CUBN: variants seen among roughly 807,000 people sequenced by gnomAD.
CUBN encodes the protein cubilin.
A neutral mutation model predicts 405.3 loss-of-function variants in CUBN; 282 were observed. The ratio of observed to expected loss-of-function variants is 0.70; its 90% CI spans 0.63 to 0.77. The LOEUF (loss-of-function observed/expected upper bound fraction) is 0.77, where lower values mean the gene tolerates loss of function less well. CUBN is among the 30% of genes least tolerant of loss of function. CUBN has a pLI of 0.00. For missense variants in CUBN, 4,514 were observed against 4,475.2 expected (o/e 1.01, Z -0.25); for synonymous variants, 1,684 against 1,617.0 (o/e 1.04, Z -0.99).
intron 45 of CUBN, 29 bp from the exon 46 acceptor site, chr10:16,916,059 T>C (rs1306149065): frequency 6.3e-7 from 1 of 1,596,582 alleles, no homozygotes. Flanking sequence ...AATAAATAAA[T>C]AAGAAAGCAA....
chr10:16,852,075 T>TC (rs1212640035), intron 59 of CUBN, among the ~76,000 whole-genome samples: 2 of 32,384 alleles, frequency 6.2e-5, no homozygotes, highest in African/African-American at 1.2e-4. Flanking sequence ...CCTCCCTCCA[T>TC]CATCTTTCCC....
At chr10:16,911,449 T>C (rs1841731670) in intron 48 of CUBN, among the ~76,000 whole-genome samples, 1 of 152,068 alleles carries the variant, frequency 6.6e-6, no homozygotes, top group Admixed American at 6.5e-5. Context: ...GGATAGATAA[T>C]GTCCAAAAAA....
intron 54 of CUBN, 67 bp downstream of exon 54, chr10:16,898,929 T>C: frequency 8.4e-7 from 1 of 1,193,738 alleles, no homozygotes; most frequent in Middle Eastern, 1.9e-4. Context: ...CAATGAATCA[T>C]TTCTAGCTTA....
Position 16,824,374 on chromosome 10 carries a change from T to C in CUBN, c.*601A>G, listed in dbSNP as rs780635. The C allele has an allele frequency of 0.34, 52,701 of 153,896 alleles. 9,776 individuals are homozygous for C. Among genetic ancestry groups the C allele is most frequent in the East Asian group, 0.75 (3,913 of 5,206 alleles). 9.5% of individuals were successfully genotyped at this position (153,896 alleles called of 1,614,324 possible). A position where few individuals can be genotyped will look rare whatever the true frequency, so the allele number is the denominator to read the frequency against. On this transcript the variant is annotated 3_prime_UTR_variant, in exon 67 of 67. Coordinates refer to ENST00000377833, the MANE Select transcript of CUBN (RefSeq NM_001081.4). ...GGCTATTATTATTAACTTTTAAAAA[T>C]GTATGTCACATATGCCATAATCATT... is the stretch of plus-strand genomic sequence containing the variant.
intron 21 of CUBN, among the ~76,000 whole-genome samples, chr10:17,066,240 G>T (rs561764948): frequency 6.6e-6 from 1 of 152,138 alleles, no homozygotes; most frequent in South Asian, 2.1e-4. Flanking sequence ...CCATGTTTCT[G>T]CTGAACAAAA....
At chr10:17,031,796 G>T (rs1235861284) in intron 27 of CUBN, among the ~76,000 whole-genome samples, 5 of 152,204 alleles carry the variant, frequency 3.3e-5, no homozygotes, top group Admixed American at 2.6e-4. Context: ...AAGCAATTTG[G>T]AAATTGAAGA....
intron 27 of CUBN, among the ~76,000 whole-genome samples, chr10:17,021,226 T>C (rs989507014): frequency 1.3e-5 from 2 of 152,344 alleles, no homozygotes; most frequent in Middle Eastern, 3.4e-3. Flanking sequence ...CAAGGAGAAA[T>C]GGAGGGTGCA....
chr10:17,102,098 T>C (rs961164770), intron 13 of CUBN, among the ~76,000 whole-genome samples: 1 of 152,114 alleles, frequency 6.6e-6, no homozygotes, highest in African/African-American at 2.4e-5. Flanking sequence ...TCAACCAGTG[T>C]AGAGAATCAT....
chr10:16,851,603 T>C (rs904479798), intron 59 of CUBN, among the ~76,000 whole-genome samples, 160 bp from the exon 60 acceptor site: 1 of 150,914 alleles, frequency 6.6e-6, no homozygotes, highest in South Asian at 2.1e-4. Context: ...TCCCTCCCTC[T>C]TTTCTTTTCT....
At position 16,899,141 on chromosome 10, in the gene CUBN, G is replaced by T; in HGVS notation, c.8453C>A (p.Ser2818Tyr). 6.2e-7 allele frequency: 1 copy of T among 1,613,936 alleles called. No individual in the cohort carries two copies. The change falls in exon 54 of 67, where the codon TCC becomes TAC. Residue 2818 changes from serine to tyrosine, a missense_variant. Ser to Tyr is a moderately radical substitution (Grantham distance 144, BLOSUM62 -2). This residue lies in a region of CUBN where 1,186 missense variants were observed against 1,186.9 expected (regional missense o/e 1.00). Transcript: ENST00000377833. ...GGGAAAATTCTGAGGCCAGTGAGGG[G>T]ATCTGATTGTACCATTATCAGAATG... is the stretch of plus-strand genomic sequence containing the variant. Reference protein sequence around the residue: ...IFHSDNGTIRSPHWPQNFPEN... With the variant: ...IFHSDNGTIRYPHWPQNFPEN...
At chr10:17,127,806 T>C in intron 3 of CUBN, 23 bp downstream of exon 3, 2 of 1,562,204 alleles carry the variant, frequency 1.3e-6, no homozygotes, top group Non-Finnish European at 1.8e-6. Context: ...CATCGGTTCT[T>C]ATGACGTAGA....
At chr10:17,051,838 A>G (rs1297400508) in intron 22 of CUBN, among the ~76,000 whole-genome samples, 1 of 152,106 alleles carries the variant, frequency 6.6e-6, no homozygotes, top group Non-Finnish European at 1.5e-5. Context: ...ACATACAATT[A>G]GAGAACCAGA....
intron 10 of CUBN, among the ~76,000 whole-genome samples, chr10:17,106,682 C>T (rs540027875): frequency 1.8e-4 from 27 of 151,998 alleles, no homozygotes; most frequent in African/African-American, 4.6e-4. Context: ...CAGCCTGTCC[C>T]GGCCAAGGAC....
chr10:16,901,815 T>G (rs1320571952), intron 51 of CUBN, among the ~76,000 whole-genome samples: 1 of 148,548 alleles, frequency 6.7e-6, no homozygotes, highest in Non-Finnish European at 1.5e-5. Context: ...GTCATGCCAT[T>G]GCACTCCAGT....
Position 16,869,794 on chromosome 10 carries a change from T to C in CUBN, c.9296A>G (p.Tyr3099Cys). Reference sequence around the variant, plus strand: ...GGGATCGCTGGTATTGGCACCATCGTAAATTGCCAGGTAGTCATGGGAGCA... The same window carrying C: ...GGGATCGCTGGTATTGGCACCATCGCAAATTGCCAGGTAGTCATGGGAGCA... ...TSCSHDYLAI[Y>C]DGANTSDPLL... is the part of the protein sequence containing the mutation. Residue 3099 changes from tyrosine to cysteine, a missense_variant, in exon 59 of 67, where the codon TAC becomes TGC. Around this residue, in one of 5 missense-constraint regions of CUBN, gnomAD observed 1,186 missense variants for 1,186.9 expected, o/e 1.00. Transcript: ENST00000377833. 1.2e-6 allele frequency: 2 copies of C among 1,614,152 alleles called. No individual in the cohort carries two copies. Among genetic ancestry groups the C allele is most frequent in the Non-Finnish European group, 1.7e-6 (2 of 1,179,986 alleles).
At chr10:16,860,643 G>A (rs1399106504) in intron 59 of CUBN, among the ~76,000 whole-genome samples, 1 of 152,140 alleles carries the variant, frequency 6.6e-6, no homozygotes, top group Non-Finnish European at 1.5e-5. Context: ...TCCTCTCCTA[G>A]TAATTTTCTA....
At chr10:17,102,613 T>A (rs1279163382) in intron 13 of CUBN, among the ~76,000 whole-genome samples, 15 of 143,122 alleles carry the variant, frequency 1.0e-4, no homozygotes, top group Admixed American at 4.1e-4. Context: ...TTTTTTTTTT[T>A]TTTTTTTTTG....
chr10:16,920,679 T>G (rs1842008755), intron 43 of CUBN, among the ~76,000 whole-genome samples: 2 of 152,238 alleles, frequency 1.3e-5, no homozygotes, highest in Non-Finnish European at 2.9e-5. Flanking sequence ...TGCCAGAGGA[T>G]AAAGGAGCTT....
intron 60 of CUBN, among the ~76,000 whole-genome samples, chr10:16,842,230 G>C (rs1839375964): frequency 6.6e-6 from 1 of 151,884 alleles, no homozygotes; most frequent in Non-Finnish European, 1.5e-5. Context: ...AATTTTTAGA[G>C]ATGGGGTCTT....
Sources: allele counts gnomAD v4.1 joint callset (sites outside exome capture counted in the v4.1 genomes callset), GRCh38; gene constraint gnomAD v4.1.1; regional missense constraint gnomAD v4.1.1; transcripts MANE v1.5; gene names NCBI Gene and HGNC (gene_info 2026-07-23, HGNC 2026-07-21).